The following APPL2 variants were observed in gnomAD, a reference collection of about 807,000 sequenced individuals.
APPL2 encodes adaptor protein, phosphotyrosine interacting with PH domain and leucine zipper 2.
A neutral mutation model predicts 92.7 loss-of-function variants in APPL2; 84 were observed. The ratio of observed to expected loss-of-function variants is 0.91; its 90% CI spans 0.76 to 1.09. The LOEUF (loss-of-function observed/expected upper bound fraction) is 1.09, where lower values mean the gene tolerates loss of function less well. Ranked by LOEUF, APPL2 falls within the 50% of genes least tolerant of loss-of-function variation. APPL2 has a pLI of 0.00. For synonymous variants in APPL2, 291 were observed against 291.0 expected (o/e 1.00, Z 0.00); for missense variants, 736 against 824.5 (o/e 0.89, Z 1.31).
At chr12:105,214,631 A>G (rs1397252256) in intron 4 of APPL2, among the ~76,000 whole-genome samples, 2 of 152,188 alleles carry the variant, frequency 1.3e-5, no homozygotes, top group African/African-American at 2.4e-5. Context: ...TTCCTCATCA[A>G]TAGAAGTGCT....
intron 10 of APPL2, 73 bp from the exon 11 acceptor site, chr12:105,198,026 G>A (rs1057028659): frequency 1.9e-5 from 27 of 1,447,490 alleles, no homozygotes; most frequent in Middle Eastern, 1.8e-4. Context: ...TTGCTACCTC[G>A]TTATGGGTAC....
chr12:105,236,142 G>T lies in APPL2; in HGVS notation c.-130C>A. ...CTCCGTGCCCGCGGCGGCCCCGCGC[G>T]CGTCCACGCCTGGCCAGTGGCCGCC... On this transcript the variant is annotated 5_prime_UTR_variant, in exon 1 of 21. Transcript: ENST00000258530. 2 of 390,528 alleles carry T rather than the reference G, an allele frequency of 5.1e-6. No individual in the cohort carries two copies. Among genetic ancestry groups the T allele is most frequent in the Non-Finnish European group, 7.0e-6 (2 of 286,764 alleles). 24.2% of individuals were successfully genotyped at this position (390,528 alleles called of 1,614,324 possible).
intron 17 of APPL2, among the ~76,000 whole-genome samples, chr12:105,186,676 T>TCG (rs1555248097): frequency 0.031 from 1,004 of 32,812 alleles, 7 homozygotes; most frequent in Non-Finnish European, 0.041. Flanking sequence ...ATATATATGA[T>TCG]ATATCATATA....
chr12:105,222,547 G>A (rs1421989630), intron 2 of APPL2, among the ~76,000 whole-genome samples: 2 of 152,152 alleles, frequency 1.3e-5, no homozygotes, highest in African/African-American at 4.8e-5. Context: ...ACTGAGGAGG[G>A]GATATGAATT....
chr12:105,200,289 C>T (rs945159998), intron 9 of APPL2, among the ~76,000 whole-genome samples: 7 of 152,260 alleles, frequency 4.6e-5, no homozygotes, highest in Admixed American at 2.6e-4. Context: ...AAATGGTAGT[C>T]ATGCCTCCCC....
chr12:105,196,058 CAA>C (rs371863529), intron 11 of APPL2, among the ~76,000 whole-genome samples: 24 of 121,602 alleles, frequency 2.0e-4, no homozygotes, highest in African/African-American at 5.0e-4. Flanking sequence ...CTATCTCAAA[CAA>C]AAAAAAAAAA....
chr12:105,226,824 C>G (rs1047501964), intron 2 of APPL2, among the ~76,000 whole-genome samples: 2 of 152,158 alleles, frequency 1.3e-5, no homozygotes, highest in Admixed American at 1.3e-4. Flanking sequence ...CACATAAAAT[C>G]ACAGGTGAAC....
At chr12:105,191,031 C>T (rs1168882171) in intron 14 of APPL2, among the ~76,000 whole-genome samples, 3 of 152,258 alleles carry the variant, frequency 2.0e-5, no homozygotes, top group Non-Finnish European at 4.4e-5. Context: ...AAAAAGCTCT[C>T]AGTGATCTTT....
At chr12:105,214,655 G>C (rs1889514647) in intron 4 of APPL2, among the ~76,000 whole-genome samples, 1 of 152,212 alleles carries the variant, frequency 6.6e-6, no homozygotes, top group Non-Finnish European at 1.5e-5. Context: ...AGCATATTTT[G>C]TTATAATACT....
intron 14 of APPL2, among the ~76,000 whole-genome samples, chr12:105,194,178 A>C (rs1887450320): frequency 6.6e-6 from 1 of 152,208 alleles, no homozygotes. Flanking sequence ...ATATAGTCGT[A>C]ATTTTAATTT....
intron 5 of APPL2, among the ~76,000 whole-genome samples, chr12:105,210,030 G>A (rs1889082318): frequency 1.3e-5 from 2 of 151,844 alleles, no homozygotes; most frequent in Admixed American, 6.6e-5. Flanking sequence ...GCGCGATCTC[G>A]GCTCACTGCA....
At chr12:105,222,070 G>A (rs1434333315) in intron 2 of APPL2, among the ~76,000 whole-genome samples, 2 of 152,202 alleles carry the variant, frequency 1.3e-5, no homozygotes, top group Non-Finnish European at 2.9e-5. Context: ...TCACAAAGCT[G>A]GCGGTCACGG....
chr12:105,174,888 T>TGG (rs1885373629), intron 20 of APPL2, among the ~76,000 whole-genome samples: 1 of 81,686 alleles, frequency 1.2e-5, no homozygotes, highest in Admixed American at 1.4e-4. Context: ...GGGGGGGGGG[T>TGG]GGTGCGGCGG....
chr12:105,197,904 G>A lies in APPL2; in HGVS notation c.913C>T (p.Gln305Ter). The A allele has an allele frequency of 6.2e-7, 1 of 1,614,178 alleles. No homozygotes were observed. The highest frequency in any genetic ancestry group is 1.1e-5 in the South Asian group (1 of 91,086). The change falls in exon 11 of 21, where the codon CAA becomes TAA. Residue 305 changes from glutamine (Q) to a stop codon, truncating the protein, a stop_gained. Transcript: ENST00000258530. LOFTEE classifies it high-confidence loss of function. ...GGCTGACACATGAGATTCCCGCCTT[G>A]GGTGAAGAAATAAAGCCTCTCCCAG... ...TTWERLYFFT[Q>*]GGNLMCQPRG...
At chr12:105,233,356 G>C (rs150151502) in intron 1 of APPL2, 1 of 985,348 alleles carries the variant, frequency 1.0e-6, no homozygotes, top group African/African-American at 1.7e-5. Flanking sequence ...TCCCACATAT[G>C]AGAGGTAAGC....
rs541331660 is a variant in APPL2, at chr12:105,184,526, G to C, written c.1634+3747C>G. Among the ~76,000 whole-genome samples the C allele has an allele frequency of 1.4e-4, 21 of 152,304 alleles. No homozygotes were observed. The South Asian group carries it at 4.4e-3, about 32-fold the overall frequency. ...CTTCAGGCCCCTCTTCTGCAGGTCT[G>C]CTGCAGTTTGCTGAAGGTACACTCC... On this transcript the variant is annotated intron_variant, in intron 17 of 20. Coordinates refer to ENST00000258530, the MANE Select transcript of APPL2 (RefSeq NM_018171.5).
chr12:105,235,938 C>T (rs2136108902), intron 1 of APPL2, 21 bp downstream of exon 1: 3 of 1,240,356 alleles, frequency 2.4e-6, no homozygotes, highest in Middle Eastern at 2.6e-4. Context: ...GGGCGAGGGG[C>T]ACCGGAGCGG....
Position 105,227,228 on chromosome 12 carries a change from C to A in APPL2, c.153+1897G>T, listed in dbSNP as rs576083998. Among the ~76,000 whole-genome samples the A allele has an allele frequency of 3.9e-5, 6 of 152,178 alleles. No individual in the cohort carries two copies. The East Asian group carries it at 1.2e-3, about 29-fold the overall frequency. Reference sequence around the variant, plus strand: ...TATTGACTAGGCTGGTCTCAAACTCCTGGCCTCAAGCAATCCTCCCGTCTT... The same window carrying A: ...TATTGACTAGGCTGGTCTCAAACTCATGGCCTCAAGCAATCCTCCCGTCTT... On this transcript the variant is annotated intron_variant, in intron 2 of 20. Transcript: ENST00000258530.
intron 20 of APPL2, 93 bp downstream of exon 20, chr12:105,175,942 G>C: frequency 7.8e-7 from 1 of 1,276,238 alleles, no homozygotes; most frequent in East Asian, 2.7e-5. Context: ...ACACTTTCCA[G>C]TGAACATCAC....
Sources: allele counts gnomAD v4.1 joint callset (sites outside exome capture counted in the v4.1 genomes callset), GRCh38; gene constraint gnomAD v4.1.1; transcripts MANE v1.5; gene names NCBI Gene and HGNC (gene_info 2026-07-23, HGNC 2026-07-21).